TENM2: variants seen among roughly 807,000 people sequenced by gnomAD.
TENM2 encodes teneurin-2.
TENM2 carries 52 observed loss-of-function variants against 245.2 expected under a neutral mutation model. The ratio of observed to expected loss-of-function variants is 0.21; its 90% CI spans 0.17 to 0.27. The LOEUF is 0.27. Ranked by LOEUF, TENM2 falls within the 10% of genes least tolerant of loss-of-function variation. The probability of loss-of-function intolerance (pLI) is 1.00; values close to 1 mark genes in which losing one functional copy is unlikely to be tolerated. For missense variants in TENM2, 3,046 were observed against 3,666.8 expected, an observed-to-expected ratio of 0.83 and a Z score of 4.37; for synonymous variants, 1,363 against 1,438.9, an observed-to-expected ratio of 0.95 and a Z score of 1.19.
intron 23 of TENM2, among the ~76,000 whole-genome samples, chr5:168,219,774 G>A (rs927606397): frequency 4.4e-4 from 60 of 134,866 alleles, no homozygotes; most frequent in African/African-American, 1.7e-3. Flanking sequence ...GTTTTGTCTG[G>A]ATGCTGCTGC....
intron 2 of TENM2, among the ~76,000 whole-genome samples, chr5:167,690,028 C>T (rs143127951): frequency 7.3e-5 from 11 of 151,276 alleles, no homozygotes; most frequent in South Asian, 4.2e-4. Flanking sequence ...GCCCATGACC[C>T]GGGAACTTCA....
chr5:167,687,135 G>A (rs961690494), intron 2 of TENM2, among the ~76,000 whole-genome samples: 4 of 152,142 alleles, frequency 2.6e-5, no homozygotes, highest in Non-Finnish European at 4.4e-5. Flanking sequence ...TGTGTTCTCC[G>A]GTTACCTCGG....
At chr5:168,105,826 C>T (rs1353302635) in intron 9 of TENM2, among the ~76,000 whole-genome samples, 1 of 152,150 alleles carries the variant, frequency 6.6e-6, no homozygotes, top group Non-Finnish European at 1.5e-5. Context: ...ATTACTATTT[C>T]CCTTGCATGG....
At chr5:167,372,270 T>C (rs1760484820) in intron 1 of TENM2, among the ~76,000 whole-genome samples, 1 of 152,196 alleles carries the variant, frequency 6.6e-6, no homozygotes, top group South Asian at 2.1e-4. Context: ...CACTTTTTCT[T>C]TTCTAACATT....
chr5:168,118,504 G>A lies in TENM2; in HGVS notation c.2008+18G>A, dbSNP rs1485029006. The A allele has an allele frequency of 8.0e-6, 12 of 1,493,276 alleles. No individual in the cohort carries two copies. Among genetic ancestry groups the A allele is most frequent in the East Asian group, 2.3e-5 (1 of 43,386 alleles). The allele number at this position is 1,493,276 out of a possible 1,614,324, so 92.5% of individuals were successfully genotyped here. A position where few individuals can be genotyped will look rare whatever the true frequency, so the allele number is the denominator to read the frequency against. On this transcript the variant is annotated intron_variant, in intron 10 of 28. Coordinates refer to ENST00000518659, the Ensembl canonical transcript of TENM2. Reference sequence around the variant, plus strand: ...TGAGGAAGGTAAGCCCGCCGGCCCCGGGGCTAGGCAGCAGTGGAGGGAGGC... The same window carrying A: ...TGAGGAAGGTAAGCCCGCCGGCCCCAGGGCTAGGCAGCAGTGGAGGGAGGC...
At chr5:167,981,979 C>CAAAAAAAAAAAAAAA (rs58295569) in intron 4 of TENM2, among the ~76,000 whole-genome samples, 1 of 100,774 alleles carries the variant, frequency 9.9e-6, no homozygotes. Flanking sequence ...TGTTTCAGAC[C>CAAAAAAAAAAAAAAA]AAAAAAAAAA....
intron 2 of TENM2, among the ~76,000 whole-genome samples, chr5:167,625,007 G>A (rs1778406206): frequency 6.6e-6 from 1 of 151,966 alleles, no homozygotes; most frequent in African/African-American, 2.4e-5. Context: ...CTGAGTTATT[G>A]GCTGATTTTC....
chr5:167,992,798 T>A, intron 4 of TENM2, 146 bp from the exon 7 acceptor site: 1 of 625,790 alleles, frequency 1.6e-6, no homozygotes, highest in Non-Finnish European at 2.8e-6. Flanking sequence ...TCATCGAATG[T>A]AATGTTCGCC....
chr5:167,656,769 A>G (rs1187424261), intron 2 of TENM2, among the ~76,000 whole-genome samples: 1 of 152,090 alleles, frequency 6.6e-6, no homozygotes, highest in African/African-American at 2.4e-5. Flanking sequence ...TACATTATAT[A>G]TCAACAGCCC....
At chr5:167,568,087 G>T (rs1774027066) in intron 2 of TENM2, among the ~76,000 whole-genome samples, 1 of 152,004 alleles carries the variant, frequency 6.6e-6, no homozygotes, top group East Asian at 1.9e-4. Context: ...AAGAATAACA[G>T]TTCACCAATG....
chr5:167,677,492 G>C (rs929465649), intron 2 of TENM2, among the ~76,000 whole-genome samples: 1 of 151,350 alleles, frequency 6.6e-6, no homozygotes, highest in Non-Finnish European at 1.5e-5. Context: ...GGTTTGCTGT[G>C]ATTGCTGTCT....
At chr5:167,108,500 A>G in the TENM2 span, among the ~76,000 whole-genome samples, 1 of 152,196 alleles carries the variant, frequency 6.6e-6, no homozygotes, top group Admixed American at 6.5e-5. Flanking sequence ...GCACTGTGCT[A>G]CAAGCCCTAC....
the TENM2 span, among the ~76,000 whole-genome samples, chr5:167,279,011 G>A: frequency 6.6e-6 from 1 of 152,076 alleles, no homozygotes; most frequent in Non-Finnish European, 1.5e-5. Flanking sequence ...ATAATTTCTT[G>A]AACTTTATTT....
At chr5:168,113,314 T>C (rs1794828254) in intron 9 of TENM2, among the ~76,000 whole-genome samples, 1 of 152,012 alleles carries the variant, frequency 6.6e-6, no homozygotes, top group Non-Finnish European at 1.5e-5. Flanking sequence ...AGCAAGACCA[T>C]GTCTCCAAAT....
At chr5:167,702,442 T>C (rs964351787) in intron 2 of TENM2, among the ~76,000 whole-genome samples, 1 of 151,852 alleles carries the variant, frequency 6.6e-6, no homozygotes, top group Non-Finnish European at 1.5e-5. Context: ...ACACTGATGC[T>C]ATGATTTGGG....
chr5:168,095,393 C>T (rs1329039778), intron 8 of TENM2, among the ~76,000 whole-genome samples: 1 of 152,154 alleles, frequency 6.6e-6, no homozygotes, highest in East Asian at 1.9e-4. Flanking sequence ...ATAAGCTATT[C>T]CTCTGACCTG....
intron 2 of TENM2, among the ~76,000 whole-genome samples, chr5:167,865,390 C>T (rs1398326221): frequency 6.6e-6 from 1 of 152,158 alleles, no homozygotes; most frequent in Non-Finnish European, 1.5e-5. Context: ...CTTCCCACCT[C>T]AGCCCCCCAA....
At chr5:167,658,314 T>C (rs1449468322) in intron 2 of TENM2, among the ~76,000 whole-genome samples, 4 of 152,002 alleles carry the variant, frequency 2.6e-5, no homozygotes, top group Non-Finnish European at 5.9e-5. Context: ...GTTTAAGCTA[T>C]TCTCCTGCCT....
intron 1 of TENM2, among the ~76,000 whole-genome samples, chr5:167,349,081 T>C (rs1324334080): frequency 6.6e-6 from 1 of 152,224 alleles, no homozygotes. Flanking sequence ...TTAACTTTAG[T>C]AAATTTCTAA....
Sources: gnomAD v4.1 joint callset for allele counts (sites outside exome capture counted in the v4.1 genomes callset) on GRCh38, gnomAD v4.1.1 for gene constraint, MANE v1.5 for transcripts, NCBI Gene and HGNC (gene_info 2026-07-23, HGNC 2026-07-21) for gene names.